The following HECW1 variants were observed in gnomAD, a reference collection of about 807,000 sequenced individuals.
The protein encoded by HECW1 is E3 ubiquitin-protein ligase HECW1.
A neutral mutation model predicts 182.3 loss-of-function variants in HECW1; 61 were observed. The ratio of observed to expected loss-of-function variants is 0.33; its 90% confidence interval spans 0.27 to 0.41. The LOEUF is 0.41. Among genes scored for constraint, HECW1 ranks in the 10% least tolerant of loss-of-function variants. HECW1 has a pLI of 1.00. For missense variants in HECW1, 1,739 were observed against 2,108.9 expected, an observed-to-expected ratio of 0.82 and a Z score of 3.44; for synonymous variants, 859 against 832.6, an observed-to-expected ratio of 1.03 and a Z score of -0.55.
At chr7:43,121,468 CA>C (rs1399045966) in intron 2 of HECW1, among the ~76,000 whole-genome samples, 2 of 152,128 alleles carry the variant, frequency 1.3e-5, no homozygotes, top group Non-Finnish European at 2.9e-5. Flanking sequence ...GGCAGCCAAG[CA>C]AATCATTTTC....
At chr7:43,132,834 G>A (rs541558052) in intron 2 of HECW1, among the ~76,000 whole-genome samples, 14 of 152,102 alleles carry the variant, frequency 9.2e-5, no homozygotes, top group African/African-American at 3.1e-4. Flanking sequence ...GTTGGAGGTG[G>A]GAGGTGCTTA....
At chr7:43,119,381 C>T (rs1474787606) in intron 2 of HECW1, among the ~76,000 whole-genome samples, 5 of 152,194 alleles carry the variant, frequency 3.3e-5, no homozygotes, top group Non-Finnish European at 7.3e-5. Flanking sequence ...CTGGTGTTCC[C>T]GCAGCCTCTC....
At chr7:43,416,087 TGGA>T (rs2075984681) in intron 8 of HECW1, among the ~76,000 whole-genome samples, 1 of 151,992 alleles carries the variant, frequency 6.6e-6, no homozygotes, top group African/African-American at 2.4e-5. Flanking sequence ...TGCGTTCCTT[TGGA>T]GGAGGAGAGA....
chr7:43,167,847 C>A (rs1201934501), intron 2 of HECW1, among the ~76,000 whole-genome samples: 1 of 152,082 alleles, frequency 6.6e-6, no homozygotes, highest in Non-Finnish European at 1.5e-5. Context: ...TAACACACAC[C>A]CTGTTTTAAA....
At chr7:43,322,527 A>G (rs759196610) in intron 5 of HECW1, among the ~76,000 whole-genome samples, 8 of 152,096 alleles carry the variant, frequency 5.3e-5, no homozygotes, top group Non-Finnish European at 1.0e-4. Context: ...CCAAGCCCCA[A>G]CATAAACTCG....
intron 2 of HECW1, among the ~76,000 whole-genome samples, chr7:43,236,826 T>G (rs1025593356): frequency 6.6e-6 from 1 of 152,082 alleles, no homozygotes; most frequent in Non-Finnish European, 1.5e-5. Flanking sequence ...TGTGGGCACA[T>G]TATGAGGGAG....
chr7:43,425,892 T>G (rs1034431260), intron 8 of HECW1, among the ~76,000 whole-genome samples: 2 of 152,208 alleles, frequency 1.3e-5, no homozygotes, highest in Admixed American at 6.5e-5. Flanking sequence ...CGTAGGGATA[T>G]TCAAGCCACC....
At chr7:43,116,427 G>C (rs1265011641) in intron 2 of HECW1, among the ~76,000 whole-genome samples, 1 of 152,172 alleles carries the variant, frequency 6.6e-6, no homozygotes, top group African/African-American at 2.4e-5. Context: ...AGCTTGCTAG[G>C]ATGATGGACA....
intron 2 of HECW1, among the ~76,000 whole-genome samples, chr7:43,210,015 G>C (rs759193432): frequency 6.6e-6 from 1 of 152,126 alleles, no homozygotes; most frequent in African/African-American, 2.4e-5. Flanking sequence ...GCGAAGGTGG[G>C]ACAGAGTTGA....
chr7:43,308,059 CATATA>C (rs1562812705), intron 3 of HECW1, among the ~76,000 whole-genome samples: 3 of 102,238 alleles, frequency 2.9e-5, no homozygotes, highest in African/African-American at 4.1e-5. Flanking sequence ...TATAATACAA[CATATA>C]ATATATAAAT....
chr7:43,361,616 C>T (rs1478515386), intron 6 of HECW1, among the ~76,000 whole-genome samples: 28 of 152,040 alleles, frequency 1.8e-4, no homozygotes, highest in Admixed American at 1.8e-3. Flanking sequence ...GTAATAGATG[C>T]CATCTTCCTA....
intron 11 of HECW1, among the ~76,000 whole-genome samples, chr7:43,449,164 G>A (rs1293789821): frequency 6.6e-6 from 1 of 152,204 alleles, no homozygotes; most frequent in Non-Finnish European, 1.5e-5. Flanking sequence ...TAAAAATGCA[G>A]CAGCTGATGA....
chr7:43,520,650 GT>G (rs77655170), intron 24 of HECW1, among the ~76,000 whole-genome samples: 6 of 150,836 alleles, frequency 4.0e-5, no homozygotes, highest in African/African-American at 1.5e-4. Context: ...CTACTTTAAG[GT>G]TTTTTTTAAA....
Position 43,444,707 on chromosome 7 carries a change from T to A in HECW1, c.1535T>A (p.Val512Glu). 1.2e-6 allele frequency: 2 copies of A among 1,609,868 alleles called. No homozygotes were observed. The highest frequency in any genetic ancestry group is 2.2e-5 in the South Asian group (2 of 90,556). The change falls in exon 11 of 30, where the codon GTG (valine) becomes GAG (glutamate). Residue 512 changes from valine to glutamate, a missense_variant. Around this residue, in one of 5 missense-constraint regions of HECW1, gnomAD observed 971 missense variants for 1,029.1 expected, o/e 0.94. Coordinates refer to ENST00000395891, the MANE Select transcript of HECW1 (RefSeq NM_015052.5). The surrounding 1 kb of genome is among the most constrained non-coding windows in gnomAD (Gnocchi z 4.3). ...AAGGAGCAGGAGGAGGAGGGAGATG[T>A]GTCTACCCTGGAGCAGGGAGAGGGC... ...EEKEQEEEGD[V>E]STLEQGEGRL...
intron 3 of HECW1, among the ~76,000 whole-genome samples, chr7:43,307,225 G>A (rs1807692753): frequency 1.3e-5 from 2 of 152,102 alleles, no homozygotes; most frequent in South Asian, 4.2e-4. Flanking sequence ...CCCGTAACTA[G>A]GGCCACGTGA....
intron 3 of HECW1, among the ~76,000 whole-genome samples, chr7:43,301,886 A>G (rs1382343363): frequency 6.6e-6 from 1 of 151,964 alleles, no homozygotes; most frequent in East Asian, 1.9e-4. Flanking sequence ...AAAAAAAAAA[A>G]AAAAGAAGCA....
chr7:43,422,871 ATAAATCGCAGTGCC>A (rs1253942626), intron 8 of HECW1, among the ~76,000 whole-genome samples: 35 of 151,860 alleles, frequency 2.3e-4, no homozygotes, highest in Middle Eastern at 6.8e-3. Context: ...TCACCTGGAG[ATAAATCGCAGTGCC>A]TGGCCGAGAG....
At chr7:43,531,428 T>C (rs991311293) in intron 24 of HECW1, among the ~76,000 whole-genome samples, 4 of 152,238 alleles carry the variant, frequency 2.6e-5, no homozygotes, top group African/African-American at 9.7e-5. Flanking sequence ...GATCTTCCTA[T>C]GCACCTGGCA....
chr7:43,191,538 A>G (rs146235484), intron 2 of HECW1, among the ~76,000 whole-genome samples: 29 of 152,328 alleles, frequency 1.9e-4, no homozygotes, highest in Non-Finnish European at 3.5e-4. Flanking sequence ...GCTCTAAGTA[A>G]CACATTTTTG....
Sources: allele counts gnomAD v4.1 joint callset (sites outside exome capture counted in the v4.1 genomes callset), GRCh38; gene constraint gnomAD v4.1.1; regional missense constraint gnomAD v4.1.1; non-coding constraint Gnocchi (gnomAD v3.1); transcripts MANE v1.5; gene names NCBI Gene and HGNC (gene_info 2026-07-23, HGNC 2026-07-21).